Variants in EIF2D observed in about 807,000 individuals in gnomAD.
EIF2D encodes the protein hepatocellular carcinoma-associated antigen 56.
EIF2D carries 56 observed loss-of-function variants against 77.4 expected under a neutral mutation model. The observed-to-expected ratio is 0.72, with a 90% confidence interval of 0.58 to 0.90. The LOEUF is 0.90. EIF2D is among the 40% of genes least tolerant of loss of function. EIF2D has a pLI of 0.00. For synonymous variants in EIF2D, 230 were observed against 271.0 expected (o/e 0.85, Z 1.49); for missense variants, 574 against 706.5 (o/e 0.81, Z 2.13).
In EIF2D at chr1:206,593,801, G is replaced by A; in HGVS notation, c.1510-8C>T. On this transcript the variant is annotated splice_region_variant and splice_polypyrimidine_tract_variant and intron_variant, in intron 13 of 14. Coordinates refer to ENST00000271764, the MANE Select transcript of EIF2D (RefSeq NM_006893.3). ...GTTCCGGACCACGGTCACCTGGGGG[G>A]ACAGTGGGGACAGAGACTGACGGTG... 6.3e-7 allele frequency: 1 copy of A among 1,590,440 alleles called. No homozygotes were observed. The highest frequency in any genetic ancestry group is 8.6e-7 in the Non-Finnish European group (1 of 1,162,974).
intron 3 of EIF2D, among the ~76,000 whole-genome samples, chr1:206,608,849 C>T (rs564745900): frequency 2.9e-4 from 44 of 152,250 alleles, no homozygotes; most frequent in African/African-American, 9.9e-4. Flanking sequence ...GTCAGAAGTT[C>T]GAGACCAGCC....
intron 14 of EIF2D, 113 bp downstream of exon 14, chr1:206,593,506 A>AGTGTGTGTGTGTGTGTGTGTGTGT (rs1286437460): frequency 2.5e-5 from 11 of 442,732 alleles, no homozygotes; most frequent in Admixed American, 2.2e-4. Context: ...AGAGAGAGAG[A>AGTGTGTGTGTGTGTGTGTGTGTGT]GAGTGTGTGT....
At chr1:206,611,545 C>T (rs1305942667) in intron 1 of EIF2D, among the ~76,000 whole-genome samples, 171 bp from the exon 2 acceptor site, 3 of 152,206 alleles carry the variant, frequency 2.0e-5, no homozygotes, top group African/African-American at 7.2e-5. Flanking sequence ...AACTCTTTTT[C>T]ATCCATTGTC....
At chr1:206,588,100 G>A (rs1669196706), downstream of EIF2D, 1 of 152,796 alleles carries the variant, frequency 6.5e-6, no homozygotes, top group Non-Finnish European at 1.5e-5. Flanking sequence ...CGGAGAGCCG[G>A]TGGGCCTGGC....
chr1:206,612,245 T>C (rs1553414201), intron 1 of EIF2D, 42 bp downstream of exon 1: 2 of 1,613,664 alleles, frequency 1.2e-6, no homozygotes, highest in Non-Finnish European at 8.5e-7. Context: ...CCAAGAGGTG[T>C]CTGGTTGTTC....
At chr1:206,609,175 A>C (rs912687837) in intron 3 of EIF2D, among the ~76,000 whole-genome samples, 8 of 152,222 alleles carry the variant, frequency 5.3e-5, no homozygotes, top group Non-Finnish European at 1.2e-4. Context: ...CTTTCACAAC[A>C]CTTATTTAAG....
At chr1:206,583,281 C>T in intron 2 of EIF2D, 1 of 1,610,738 alleles carries the variant, frequency 6.2e-7, no homozygotes, top group Non-Finnish European at 8.5e-7. Context: ...TGTCTGTAAA[C>T]CTGTGGAGGA....
At chr1:206,603,327 G>A (rs187164931) in intron 5 of EIF2D, 123 bp from the exon 6 acceptor site, 15 of 1,345,124 alleles carry the variant, frequency 1.1e-5, no homozygotes, top group East Asian at 9.5e-5. Context: ...TGGCCAGGAG[G>A]GGGCAGAGAG....
chr1:206,576,424 T>A (rs1368440820), intron 4 of EIF2D, among the ~76,000 whole-genome samples: 1 of 152,186 alleles, frequency 6.6e-6, no homozygotes, highest in Admixed American at 6.5e-5. Context: ...CATTGCAGAA[T>A]GGAGTAAAGT....
downstream of EIF2D, among the ~76,000 whole-genome samples, chr1:206,589,662 T>A (rs1368330840): frequency 6.6e-6 from 1 of 152,228 alleles, no homozygotes; most frequent in African/African-American, 2.4e-5. Context: ...TAGAAAGGAA[T>A]AGATCTTTAA....
rs557926485 is a variant in EIF2D, at chr1:206,607,556, T to C, written c.422+680A>G. On this transcript the variant is annotated intron_variant, in intron 4 of 14. Coordinates refer to ENST00000271764, the MANE Select transcript of EIF2D (RefSeq NM_006893.3). ...GGAGTATCGCTTGAAGCCAACAATC[T>C]GAGACCAGCCTGAGCAACAGAGTGA... Among the ~76,000 whole-genome samples the C allele has an allele frequency of 3.4e-3, 515 of 152,312 alleles. 3 individuals carry two copies. Among genetic ancestry groups the C allele is most frequent in the African/African-American group, 0.012 (502 of 41,558 alleles).
chr1:206,571,823 G>A (rs779448751), intron 5 of EIF2D, among the ~76,000 whole-genome samples: 29 of 152,298 alleles, frequency 1.9e-4, no homozygotes, highest in Non-Finnish European at 3.8e-4. Flanking sequence ...CAGGGACCTA[G>A]CTGGAAATCC....
At chr1:206,577,251 G>T (rs1222271917) in intron 4 of EIF2D, among the ~76,000 whole-genome samples, 2 of 152,148 alleles carry the variant, frequency 1.3e-5, no homozygotes, top group East Asian at 3.9e-4. Flanking sequence ...GAAAAAGTTT[G>T]CCAACCACTG....
chr1:206,593,947 AT>A, intron 13 of EIF2D, 154 bp from the exon 14 acceptor site: 1 of 593,470 alleles, frequency 1.7e-6, no homozygotes, highest in Non-Finnish European at 2.7e-6. Context: ...CAAATCACTT[AT>A]TTTTGTGCTT....
At chr1:206,587,125 A>C, downstream of EIF2D, 4 of 1,022,042 alleles carry the variant, frequency 3.9e-6, no homozygotes, top group Non-Finnish European at 5.8e-6. Flanking sequence ...AGTCTCTTCC[A>C]TGGACAAGTG....
chr1:206,591,815 T>C lies in EIF2D; in HGVS notation c.1715A>G (p.Gln572Arg), dbSNP rs147027070. ...AGGTTTGAGGGCCTTTTCTAGACCT[T>C]GGATGTGTTTTCGAGGGAGCTGATA... ...EEYQLPRKHI[Q>R]GLEKALKPGK... is the part of the protein sequence containing the mutation. The change falls in exon 15 of 15, where the codon CAA (glutamine) becomes CGA (arginine). Residue 572 changes from glutamine to arginine, a missense_variant. By Grantham distance (43) the Gln-to-Arg change is conservative. Coordinates refer to ENST00000271764, the MANE Select transcript of EIF2D (RefSeq NM_006893.3). 12 of 1,614,194 alleles carry C rather than the reference T, an allele frequency of 7.4e-6. No individual in the cohort carries two copies. The highest frequency in any genetic ancestry group is 9.3e-6 in the Non-Finnish European group (11 of 1,180,028).
At chr1:206,610,848 T>C (rs1340655604) in intron 2 of EIF2D, among the ~76,000 whole-genome samples, 1 of 152,140 alleles carries the variant, frequency 6.6e-6, no homozygotes, top group Non-Finnish European at 1.5e-5. Flanking sequence ...AATTCCATCC[T>C]TTTCAAGACC....
chr1:206,577,666 G>A (rs1553405416), intron 4 of EIF2D, among the ~76,000 whole-genome samples: 1 of 152,198 alleles, frequency 6.6e-6, no homozygotes, highest in Non-Finnish European at 1.5e-5. Context: ...TAGAGGACAA[G>A]ACAGGCGTGG....
intron 7 of EIF2D, 198 bp downstream of exon 7, chr1:206,602,133 ATTTTG>A (rs1429221088): frequency 1.9e-6 from 1 of 521,644 alleles, no homozygotes; most frequent in Non-Finnish European, 3.4e-6. Flanking sequence ...AAAATTTAAG[ATTTTG>A]TTTTAACAGC....
Sources: gnomAD v4.1 joint callset for allele counts (sites outside exome capture counted in the v4.1 genomes callset) on GRCh38, gnomAD v4.1.1 for gene constraint, MANE v1.5 for transcripts, NCBI Gene and HGNC (gene_info 2026-07-23, HGNC 2026-07-21) for gene names.